Variants in MAGI2 observed in about 807,000 individuals in gnomAD.
MAGI2 encodes membrane associated guanylate kinase, WW and PDZ domain containing 2.
A neutral mutation model predicts 133.3 loss-of-function variants in MAGI2; 35 were observed. The observed-to-expected ratio is 0.26, with a 90% CI of 0.20 to 0.35. The LOEUF (loss-of-function observed/expected upper bound fraction) is 0.35, where lower values mean the gene tolerates loss of function less well. Among genes scored for constraint, MAGI2 ranks in the 10% least tolerant of loss-of-function variants. MAGI2 has a pLI of 1.00. For missense variants in MAGI2, 1,636 were observed against 1,863.4 expected, an observed-to-expected ratio of 0.88 and a Z score of 2.25; for synonymous variants, 729 against 710.6, an observed-to-expected ratio of 1.03 and a Z score of -0.41.
intron 21 of MAGI2, among the ~76,000 whole-genome samples, chr7:78,052,940 T>A (rs889470299): frequency 3.9e-5 from 6 of 152,150 alleles, no homozygotes; most frequent in African/African-American, 1.4e-4. Context: ...GCTTAAATGA[T>A]AAATGTATAG....
intron 9 of MAGI2, among the ~76,000 whole-genome samples, chr7:78,300,177 A>T (rs1797708293): frequency 6.6e-6 from 1 of 152,200 alleles, no homozygotes. Flanking sequence ...TATGTTAATT[A>T]CTATATTACA....
chr7:78,928,270 G>T (rs767580671), intron 2 of MAGI2, among the ~76,000 whole-genome samples: 3 of 151,788 alleles, frequency 2.0e-5, no homozygotes, highest in Non-Finnish European at 4.4e-5. Flanking sequence ...GGCAGATGGG[G>T]CTCATCACCA....
rs144656367 is a variant in MAGI2, at chr7:79,059,667, G to A, written c.302-52461C>T. 5.0e-4 allele frequency among the ~76,000 whole-genome samples: 76 copies of A among 152,094 alleles called. 1 individual carries two copies. The highest frequency in any genetic ancestry group is 1.7e-3 in the African/African-American group (70 of 41,520). On this transcript the variant is annotated intron_variant, in intron 1 of 21. Transcript: ENST00000354212. ...TTATTAGATCTTTATGTCCATGTTTGTAATATACAATAATCAAGGTAGCAT... is the reference window on the plus strand; with the variant it reads ...TTATTAGATCTTTATGTCCATGTTTATAATATACAATAATCAAGGTAGCAT...
At chr7:78,081,800 A>G (rs1816003813) in intron 20 of MAGI2, among the ~76,000 whole-genome samples, 1 of 152,190 alleles carries the variant, frequency 6.6e-6, no homozygotes, top group Non-Finnish European at 1.5e-5. Flanking sequence ...CACTATGGAA[A>G]GTGGAAGAAG....
chr7:78,754,414 G>C (rs1442159056), intron 2 of MAGI2, among the ~76,000 whole-genome samples: 16 of 144,512 alleles, frequency 1.1e-4, no homozygotes, highest in African/African-American at 3.3e-4. Flanking sequence ...AATAAATGCT[G>C]AAAGTTAGTA....
At position 78,278,104 on chromosome 7, in the gene MAGI2, A is replaced by C. The variant is rs971136672; in HGVS notation, c.1409-21523T>G. The stretch of plus-strand genomic sequence containing the variant: ...AGGAGCAATAGCATCTTGATTTATA[A>C]GGAAACTCACATCATTATTTCAGCA... On this transcript the variant is annotated intron_variant, in intron 9 of 21. Coordinates refer to ENST00000354212, the MANE Select transcript of MAGI2 (RefSeq NM_012301.4). Among the ~76,000 whole-genome samples, 4 of 152,158 alleles carry C rather than the reference A, an allele frequency of 2.6e-5. No homozygotes were observed. In the South Asian group the frequency reaches 8.3e-4, roughly 32 times the overall value.
intron 2 of MAGI2, among the ~76,000 whole-genome samples, chr7:78,967,580 C>G (rs1004554160): frequency 2.0e-5 from 3 of 151,268 alleles, no homozygotes; most frequent in Non-Finnish European, 2.9e-5. Flanking sequence ...AGTTTCAGGT[C>G]TTATGTTTAA....
intron 2 of MAGI2, among the ~76,000 whole-genome samples, chr7:78,982,873 T>C (rs908845469): frequency 6.6e-6 from 1 of 151,862 alleles, no homozygotes; most frequent in African/African-American, 2.4e-5. Context: ...GTGCTAGCAG[T>C]TAATTTGTTC....
chr7:78,870,031 C>T (rs1316040032), intron 2 of MAGI2, among the ~76,000 whole-genome samples: 2 of 152,066 alleles, frequency 1.3e-5, no homozygotes, highest in African/African-American at 2.4e-5. Context: ...AATGTGATGC[C>T]TCCAGATTTG....
chr7:78,677,877 G>C (rs1815220661), intron 2 of MAGI2, among the ~76,000 whole-genome samples: 1 of 152,002 alleles, frequency 6.6e-6, no homozygotes, highest in Admixed American at 6.6e-5. Flanking sequence ...ACAGCGTCTG[G>C]GGGAGCTGTC....
intron 1 of MAGI2, among the ~76,000 whole-genome samples, chr7:79,401,885 A>G (rs1563190335): frequency 6.6e-6 from 1 of 152,168 alleles, no homozygotes; most frequent in Non-Finnish European, 1.5e-5. Context: ...ACAAACATAA[A>G]AATTTGATAA....
intron 2 of MAGI2, among the ~76,000 whole-genome samples, chr7:78,925,821 A>G (rs1799650273): frequency 1.3e-5 from 2 of 151,992 alleles, no homozygotes; most frequent in Admixed American, 1.3e-4. Flanking sequence ...ATCAGTTTTA[A>G]TTTCTAATGT....
intron 2 of MAGI2, among the ~76,000 whole-genome samples, chr7:78,723,440 T>C (rs111711095): frequency 8.5e-5 from 13 of 152,212 alleles, no homozygotes; most frequent in African/African-American, 3.1e-4. Flanking sequence ...ACAAGTAAGC[T>C]TCTGACCAAA....
chr7:79,084,853 C>A (rs1816347055), intron 1 of MAGI2, among the ~76,000 whole-genome samples: 1 of 151,552 alleles, frequency 6.6e-6, no homozygotes, highest in African/African-American at 2.4e-5. Flanking sequence ...ATTTTGAATT[C>A]TTGATAGAAT....
intron 21 of MAGI2, among the ~76,000 whole-genome samples, chr7:78,043,884 TAA>T (rs1258098758): frequency 6.6e-6 from 1 of 152,228 alleles, no homozygotes; most frequent in Non-Finnish European, 1.5e-5. Flanking sequence ...CTAGTTTTAC[TAA>T]GTTTGATTTT....
chr7:79,020,628 T>C (rs1018742717), intron 1 of MAGI2, among the ~76,000 whole-genome samples: 1 of 151,796 alleles, frequency 6.6e-6, no homozygotes, highest in East Asian at 1.9e-4. Flanking sequence ...TAGCTGGACA[T>C]GGTGGCGGGC....
intron 1 of MAGI2, among the ~76,000 whole-genome samples, chr7:79,337,555 T>C (rs1452640651): frequency 2.0e-5 from 3 of 152,184 alleles, no homozygotes; most frequent in Non-Finnish European, 4.4e-5. Flanking sequence ...TGGTTCAAGT[T>C]TGTGAACAAA....
intron 1 of MAGI2, among the ~76,000 whole-genome samples, chr7:79,188,441 G>A (rs1174363437): frequency 1.3e-5 from 2 of 151,748 alleles, no homozygotes; most frequent in African/African-American, 2.4e-5. Flanking sequence ...CCATGTCCCT[G>A]CAAAGGATAT....
chr7:78,509,793 A>G (rs55895455), intron 4 of MAGI2, among the ~76,000 whole-genome samples: 4,553 of 152,338 alleles, frequency 0.03, 218 homozygotes, highest in African/African-American at 0.1. Flanking sequence ...TTAATATCTT[A>G]TCCATATTTT....
Sources: allele counts gnomAD v4.1 joint callset (sites outside exome capture counted in the v4.1 genomes callset), GRCh38; gene constraint gnomAD v4.1.1; transcripts MANE v1.5; gene names NCBI Gene and HGNC (gene_info 2026-07-23, HGNC 2026-07-21).